The following DLGAP1 variants were observed in gnomAD, a reference collection of about 807,000 sequenced individuals.
DLGAP1 encodes disks large-associated protein 1.
DLGAP1 carries 11 observed loss-of-function variants against 90.8 expected under a neutral mutation model. The observed-to-expected ratio is 0.12, with a 90% CI of 0.08 to 0.20. The LOEUF (loss-of-function observed/expected upper bound fraction) is 0.20. DLGAP1 is among the 10% of genes least tolerant of loss of function. The pLI, the probability that DLGAP1 is intolerant of heterozygous loss-of-function variation, is 1.00. For missense variants in DLGAP1, 1,050 were observed against 1,333.8 expected, an observed-to-expected ratio of 0.79 and a Z score of 3.31; for synonymous variants, 558 against 540.7, an observed-to-expected ratio of 1.03 and a Z score of -0.44.
Position 3,498,850 on chromosome 18 carries a change from TGAG to T in DLGAP1, c.*332_*334del. On this transcript the variant is annotated 3_prime_UTR_variant, in exon 13 of 13. Transcript: ENST00000315677. ...GCTGAACAGACTAGCTCGAGAGAACTGAGGACGGCGGGTGACCTAAAGGCATCA... is the reference window on the plus strand; with the variant it reads ...GCTGAACAGACTAGCTCGAGAGAACTGACGGCGGGTGACCTAAAGGCATCA... 2 of 327,342 alleles carry T rather than the reference TGAG, an allele frequency of 6.1e-6. No individual in the cohort carries two copies. Among genetic ancestry groups the T allele is most frequent in the Non-Finnish European group, 1.1e-5 (2 of 180,640 alleles). 20.3% of individuals were successfully genotyped at this position (327,342 alleles called of 1,614,324 possible). A position where few individuals can be genotyped will look rare whatever the true frequency, so the allele number is the denominator to read the frequency against.
intron 2 of DLGAP1, among the ~76,000 whole-genome samples, chr18:4,047,579 G>A (rs1043529372): frequency 2.0e-5 from 3 of 152,196 alleles, no homozygotes; most frequent in Non-Finnish European, 4.4e-5. Context: ...CAAATCCCAT[G>A]TGACTTAGGT....
chr18:3,757,412 TTAAATAAA>T (rs889066899), intron 5 of DLGAP1, among the ~76,000 whole-genome samples: 22 of 151,624 alleles, frequency 1.5e-4, no homozygotes, highest in Admixed American at 4.6e-4. Context: ...CCACCTCAAA[TTAAATAAA>T]TAAATAAATA....
At chr18:3,813,748 C>A (rs1208091381) in intron 5 of DLGAP1, among the ~76,000 whole-genome samples, 1 of 151,982 alleles carries the variant, frequency 6.6e-6, no homozygotes, top group Non-Finnish European at 1.5e-5. Context: ...TTCTCATTGA[C>A]CAGAAATTTC....
At chr18:3,897,952 G>T (rs559817177) in intron 3 of DLGAP1, among the ~76,000 whole-genome samples, 6 of 151,314 alleles carry the variant, frequency 4.0e-5, no homozygotes, top group African/African-American at 1.2e-4. Context: ...CCGCCACCGC[G>T]CCCGGCTAAT....
At position 3,604,918 on chromosome 18, in the gene DLGAP1, G is replaced by A. The variant is rs1299289197; in HGVS notation, c.1592-22670C>T. On this transcript the variant is annotated intron_variant, in intron 7 of 12. Transcript: ENST00000315677. Reference sequence around the variant, plus strand: ...TTTCAGTTTGTGTGTGCGTGTCCCCGGATCTGTGTACATACTGGGCAACAG... The same window carrying A: ...TTTCAGTTTGTGTGTGCGTGTCCCCAGATCTGTGTACATACTGGGCAACAG... Among the ~76,000 whole-genome samples the A allele has an allele frequency of 2.6e-5, 4 of 152,130 alleles. No individual in the cohort carries two copies. The East Asian group carries it at 7.7e-4, about 29-fold the overall frequency.
intron 10 of DLGAP1, among the ~76,000 whole-genome samples, chr18:3,521,273 G>T (rs1462850579): frequency 1.3e-5 from 2 of 152,122 alleles, no homozygotes; most frequent in Non-Finnish European, 2.9e-5. Context: ...CAATCTTGGA[G>T]ATTGGGTTTC....
intron 3 of DLGAP1, among the ~76,000 whole-genome samples, chr18:3,940,256 A>G (rs2072739532): frequency 6.6e-6 from 1 of 152,194 alleles, no homozygotes; most frequent in African/African-American, 2.4e-5. Flanking sequence ...CTCTAGCCCC[A>G]GTCAAGTTTA....
At chr18:3,862,668 A>G (rs1303196037) in intron 4 of DLGAP1, among the ~76,000 whole-genome samples, 1 of 152,272 alleles carries the variant, frequency 6.6e-6, no homozygotes, top group Non-Finnish European at 1.5e-5. Context: ...GAATCCCACC[A>G]AAACCCCAGG....
chr18:4,132,312 A>G (rs902483077), intron 2 of DLGAP1, among the ~76,000 whole-genome samples: 2 of 152,184 alleles, frequency 1.3e-5, no homozygotes, highest in Non-Finnish European at 2.9e-5. Flanking sequence ...CTAAGTACAC[A>G]TTCATTGACC....
chr18:3,746,301 C>T (rs2063268536), intron 5 of DLGAP1, among the ~76,000 whole-genome samples: 2 of 151,884 alleles, frequency 1.3e-5, no homozygotes, highest in South Asian at 2.1e-4. Flanking sequence ...TATACTTAAA[C>T]AATTTAAAGA....
chr18:3,879,214 C>G lies in DLGAP1; in HGVS notation c.855G>C (p.Val285=). The change falls in exon 4 of 13, where the codon GTG becomes GTC. Residue 285 remains valine, a synonymous_variant. Transcript: ENST00000315677. This position sits in a 1 kb window ranked among gnomAD's most constrained non-coding sequence, Gnocchi z 6.6. ...KKSAWSSTLT[V]SRAREVYQKA... ...TCTGGTAAACCTCCCGGGCCCGGCT[C>G]ACGGTGAGCGTGGAGGACCAGGCGC... The G allele has an allele frequency of 6.4e-7, 1 of 1,571,668 alleles. No individual in the cohort carries two copies. The highest frequency in any genetic ancestry group is 8.6e-7 in the Non-Finnish European group (1 of 1,158,722).
intron 8 of DLGAP1, among the ~76,000 whole-genome samples, chr18:3,575,512 G>T (rs2055069183): frequency 6.6e-6 from 1 of 152,164 alleles, no homozygotes; most frequent in East Asian, 1.9e-4. Flanking sequence ...ACTCTTGAGA[G>T]ACTAAAAGAC....
chr18:4,309,188 A>T (rs1341366798), intron 1 of DLGAP1, among the ~76,000 whole-genome samples: 2 of 152,180 alleles, frequency 1.3e-5, no homozygotes, highest in Non-Finnish European at 2.9e-5. Context: ...ATCCATTGAG[A>T]ATACACACTT....
chr18:3,836,267 C>T (rs2068372792), intron 4 of DLGAP1, among the ~76,000 whole-genome samples: 1 of 152,046 alleles, frequency 6.6e-6, no homozygotes. Context: ...CACTTTCCTA[C>T]TCAGAATAGT....
At position 3,496,100 on chromosome 18, in the gene DLGAP1, A is replaced by G. The variant is rs758655369; in HGVS notation, c.*3085T>C. On this transcript the variant is annotated 3_prime_UTR_variant, in exon 13 of 13. Transcript: ENST00000315677. ...TGGGAAACATTCATCTATTTACAAT[A>G]TTTTTTTGTTCACACACAATCTAGG... 1 of 152,164 alleles carries G rather than the reference A, an allele frequency of 6.6e-6. No individual in the cohort carries two copies. The highest frequency in any genetic ancestry group is 6.5e-5 in the Admixed American group (1 of 15,274). 9.4% of individuals were successfully genotyped at this position (152,164 alleles called of 1,614,324 possible).
chr18:3,973,509 T>C (rs1465947), intron 3 of DLGAP1, among the ~76,000 whole-genome samples: 60,090 of 151,936 alleles, frequency 0.4, 12,076 homozygotes, highest in Non-Finnish European at 0.42. Context: ...GGTTCCTGCT[T>C]AGGCTTTAGG....
chr18:4,326,737 A>C (rs1379766452), intron 1 of DLGAP1, among the ~76,000 whole-genome samples: 1 of 152,134 alleles, frequency 6.6e-6, no homozygotes, highest in Non-Finnish European at 1.5e-5. Context: ...TATCCCAAGC[A>C]AACTAACATA....
chr18:4,368,446 A>T (rs2081828623), intron 1 of DLGAP1, among the ~76,000 whole-genome samples: 1 of 152,200 alleles, frequency 6.6e-6, no homozygotes, highest in Non-Finnish European at 1.5e-5. Context: ...TCATCGAATC[A>T]GTAGAAGGCC....
chr18:4,243,286 A>AAAAAAGTGCCTCTG (rs2078584329), intron 1 of DLGAP1, among the ~76,000 whole-genome samples: 1 of 152,186 alleles, frequency 6.6e-6, no homozygotes, highest in Non-Finnish European at 1.5e-5. Flanking sequence ...CTGGAATATA[A>AAAAAAGTGCCTCTG]CAAGTACTCC....
Sources: allele counts gnomAD v4.1 joint callset (sites outside exome capture counted in the v4.1 genomes callset), GRCh38; gene constraint gnomAD v4.1.1; non-coding constraint Gnocchi (gnomAD v3.1); transcripts MANE v1.5; gene names NCBI Gene and HGNC (gene_info 2026-07-23, HGNC 2026-07-21).